The following FRK variants were observed in gnomAD, a reference collection of about 807,000 sequenced individuals.
The protein encoded by FRK is tyrosine-protein kinase FRK.
In FRK, 51 loss-of-function variants were observed where a neutral mutation model predicts 56.4. That is an observed-to-expected ratio of 0.90 (90% CI 0.72 to 1.14). FRK has a LOEUF of 1.14. FRK is among the 50% of genes most tolerant of loss of function. The probability of loss-of-function intolerance (pLI) is 0.00; values close to 1 mark genes in which losing one functional copy is unlikely to be tolerated. For missense variants in FRK, 570 were observed against 601.4 expected (o/e 0.95, Z 0.55); for synonymous variants, 245 against 217.9 (o/e 1.12, Z -1.10).
intron 2 of FRK, among the ~76,000 whole-genome samples, chr6:115,996,713 C>T (rs1053445013): frequency 5.9e-5 from 9 of 152,224 alleles, no homozygotes; most frequent in Admixed American, 2.0e-4. Flanking sequence ...CAAAACTCTA[C>T]TGTAAACTAT....
Position 115,936,094 on chromosome 6 carries a change from C to G in FRK, c.*6320G>C, listed in dbSNP as rs1411077553. ...AACAGACACCTCATACAGGAGAGCT[C>G]TGGCTGGCATCCAGTGGGTGCCCCT... On this transcript the variant is annotated 3_prime_UTR_variant, in exon 8 of 8. Coordinates refer to ENST00000606080, the MANE Select transcript of FRK (RefSeq NM_002031.3). The G allele has an allele frequency of 6.2e-6, 1 of 160,490 alleles. No individual in the cohort carries two copies. Among genetic ancestry groups the G allele is most frequent in the Non-Finnish European group, 1.3e-5 (1 of 75,116 alleles). The allele number at this position is 160,490 out of a possible 1,614,324, so 9.9% of individuals were successfully genotyped here.
the FRK span, among the ~76,000 whole-genome samples, chr6:116,088,453 T>G: frequency 6.6e-6 from 1 of 152,202 alleles, no homozygotes; most frequent in Non-Finnish European, 1.5e-5. Flanking sequence ...CAAAAACATT[T>G]CCTCTGATTT....
intron 1 of FRK, among the ~76,000 whole-genome samples, chr6:116,036,226 C>T (rs774461510): frequency 5.9e-5 from 9 of 152,066 alleles, no homozygotes; most frequent in South Asian, 2.1e-4. Flanking sequence ...GACAAATCTT[C>T]GAGTAACAGG....
intron 1 of FRK, among the ~76,000 whole-genome samples, chr6:116,008,185 T>A (rs904431520): frequency 1.3e-5 from 2 of 152,178 alleles, no homozygotes; most frequent in African/African-American, 2.4e-5. Context: ...AATATATATA[T>A]AAGCAGGCAG....
chr6:116,068,308 AAAG>A, the FRK span, among the ~76,000 whole-genome samples: 1 of 152,190 alleles, frequency 6.6e-6, no homozygotes, highest in Non-Finnish European at 1.5e-5. Flanking sequence ...CAGACTGGAA[AAAG>A]AAGACCAGAC....
At chr6:115,986,991 G>C (rs1438241108) in intron 2 of FRK, among the ~76,000 whole-genome samples, 1 of 152,004 alleles carries the variant, frequency 6.6e-6, no homozygotes, top group Non-Finnish European at 1.5e-5. Context: ...ATTCCGGAGA[G>C]AAAAGAACAA....
At chr6:116,067,295 G>A in the FRK span, among the ~76,000 whole-genome samples, 1 of 152,184 alleles carries the variant, frequency 6.6e-6, no homozygotes, top group Non-Finnish European at 1.5e-5. Flanking sequence ...ATAGAGTGCT[G>A]TTGCTTTAGG....
intron 1 of FRK, among the ~76,000 whole-genome samples, chr6:116,008,435 C>T (rs1775335692): frequency 6.6e-6 from 1 of 152,098 alleles, no homozygotes; most frequent in Non-Finnish European, 1.5e-5. Context: ...CTTAGCTGAG[C>T]TCTGATCAGG....
intron 2 of FRK, among the ~76,000 whole-genome samples, chr6:115,988,113 T>C (rs1312266028): frequency 3.3e-5 from 5 of 152,056 alleles, no homozygotes; most frequent in Non-Finnish European, 7.4e-5. Context: ...CAGATTGCAG[T>C]TTCTGTGCCA....
the FRK span, among the ~76,000 whole-genome samples, chr6:116,099,723 G>A: frequency 6.6e-6 from 1 of 152,320 alleles, no homozygotes; most frequent in Middle Eastern, 3.4e-3. Flanking sequence ...TTAATCCTCT[G>A]ATTGGTCTAT....
chr6:115,973,727 C>T (rs993560796), intron 2 of FRK, among the ~76,000 whole-genome samples: 4 of 151,862 alleles, frequency 2.6e-5, no homozygotes, highest in African/African-American at 7.3e-5. Flanking sequence ...AAAAATTAGC[C>T]GGGTGTGTTG....
intron 2 of FRK, among the ~76,000 whole-genome samples, chr6:115,991,440 G>A (rs909749973): frequency 1.3e-5 from 2 of 151,638 alleles, no homozygotes; most frequent in Non-Finnish European, 3.0e-5. Flanking sequence ...TTTGAGTTAT[G>A]TTCCTTTGAT....
intron 1 of FRK, among the ~76,000 whole-genome samples, chr6:116,041,473 G>A (rs191219385): frequency 2.0e-5 from 3 of 152,274 alleles, no homozygotes; most frequent in Non-Finnish European, 4.4e-5. Context: ...TGGCTGAATA[G>A]GAACAGCTCC....
chr6:116,041,941 G>C (rs1328897146), intron 1 of FRK, among the ~76,000 whole-genome samples: 1 of 152,200 alleles, frequency 6.6e-6, no homozygotes, highest in Non-Finnish European at 1.5e-5. Context: ...AGGGATCCCA[G>C]TGGTCTAGCT....
intron 7 of FRK, 78 bp downstream of exon 7, chr6:115,942,942 G>T: frequency 7.1e-7 from 1 of 1,410,176 alleles, no homozygotes; most frequent in South Asian, 1.3e-5. Flanking sequence ...TGCCCTCTAA[G>T]TCTGGGCAAA....
At chr6:116,042,788 G>C (rs1304995836) in intron 1 of FRK, among the ~76,000 whole-genome samples, 1 of 152,026 alleles carries the variant, frequency 6.6e-6, no homozygotes, top group Non-Finnish European at 1.5e-5. Flanking sequence ...GACACAGACT[G>C]GCAAATTAGA....
the FRK span, among the ~76,000 whole-genome samples, chr6:116,089,678 T>G: frequency 6.6e-6 from 1 of 152,162 alleles, no homozygotes; most frequent in Non-Finnish European, 1.5e-5. Flanking sequence ...ATGTGTCTAA[T>G]TTTCTCTTCT....
intron 4 of FRK, among the ~76,000 whole-genome samples, chr6:115,958,676 GAA>G (rs1417835977): frequency 6.1e-4 from 3 of 4,906 alleles, no homozygotes; most frequent in African/African-American, 1.9e-3. Flanking sequence ...AAGAAAGAAA[GAA>G]AGAAAGAAAG....
chr6:115,952,568 C>T (rs1015647621), intron 5 of FRK, among the ~76,000 whole-genome samples: 72 of 151,870 alleles, frequency 4.7e-4, no homozygotes, highest in Non-Finnish European at 1.0e-3. Flanking sequence ...CATCCCATTA[C>T]TGGGTATATA....
Sources: gnomAD v4.1 joint callset for allele counts (sites outside exome capture counted in the v4.1 genomes callset) on GRCh38, gnomAD v4.1.1 for gene constraint, MANE v1.5 for transcripts, NCBI Gene and HGNC (gene_info 2026-07-23, HGNC 2026-07-21) for gene names.